PLXNC1: variants seen among roughly 807,000 people sequenced by gnomAD.
The protein encoded by PLXNC1 is plexin-C1.
A neutral mutation model predicts 178.2 loss-of-function variants in PLXNC1; 75 were observed. The ratio of observed to expected loss-of-function variants is 0.42; its 90% CI spans 0.35 to 0.51. The LOEUF is 0.51. PLXNC1 is among the 20% of genes least tolerant of loss of function. PLXNC1 has a pLI of 0.02. For missense variants in PLXNC1, 1,503 were observed against 1,984.4 expected, an observed-to-expected ratio of 0.76 and a Z score of 4.61; for synonymous variants, 790 against 779.9, an observed-to-expected ratio of 1.01 and a Z score of -0.22.
At chr12:94,287,321 G>A (rs191581428) in intron 23 of PLXNC1, among the ~76,000 whole-genome samples, 198 of 152,342 alleles carry the variant, frequency 1.3e-3, no homozygotes, top group Non-Finnish European at 2.2e-3. Flanking sequence ...AGGGGACTGT[G>A]CTTTGCTCTG....
chr12:94,153,167 C>T (rs1409601974), intron 1 of PLXNC1, among the ~76,000 whole-genome samples: 1 of 152,222 alleles, frequency 6.6e-6, no homozygotes, highest in East Asian at 1.9e-4. Context: ...CGTTAAGCAG[C>T]TTGCTCAAGA....
intron 1 of PLXNC1, chr12:94,168,257 A>G (rs1276886097): frequency 6.6e-6 from 1 of 152,248 alleles, no homozygotes; most frequent in South Asian, 2.1e-4. Context: ...TGCAGACGGC[A>G]ACGGCTCTTC....
At position 94,226,634 on chromosome 12, in the gene PLXNC1, C is replaced by T. The variant is rs753220527; in HGVS notation, c.1820C>T (p.Ala607Val). ...CCAGCATGCGTAGAAACTGGCTGCG[C>T]GTGGTGTAAAAGTGCAAGAAGGTGT... The part of the protein sequence containing the change: ...ECPACVETGC[A>V]WCKSARRCIH... Residue 607 changes from alanine to valine, a missense_variant, in exon 8 of 31, where the codon GCG becomes GTG. Transcript: ENST00000258526. 1.6e-5 allele frequency: 26 copies of T among 1,613,460 alleles called. No homozygotes were observed. The highest frequency in any genetic ancestry group is 3.3e-5 in the South Asian group (3 of 91,070).
At chr12:94,209,901 G>A (rs901459548) in intron 5 of PLXNC1, among the ~76,000 whole-genome samples, 197 bp downstream of exon 5, 6 of 152,150 alleles carry the variant, frequency 3.9e-5, no homozygotes, top group South Asian at 2.1e-4. Flanking sequence ...GGGATACAGC[G>A]GTAACCAAGT....
intron 1 of PLXNC1, among the ~76,000 whole-genome samples, chr12:94,155,369 G>A (rs1183819205): frequency 6.6e-6 from 1 of 152,208 alleles, no homozygotes; most frequent in Non-Finnish European, 1.5e-5. Flanking sequence ...AAGCTCTGGA[G>A]GTTGGGGTGG....
chr12:94,152,274 A>G (rs1960989951), intron 1 of PLXNC1, among the ~76,000 whole-genome samples: 1 of 152,204 alleles, frequency 6.6e-6, no homozygotes, highest in Non-Finnish European at 1.5e-5. Flanking sequence ...AGTTTGAATG[A>G]AAAAGGGTGG....
At chr12:94,272,952 C>T (rs1383854600) in intron 21 of PLXNC1, among the ~76,000 whole-genome samples, 2 of 152,150 alleles carry the variant, frequency 1.3e-5, no homozygotes, top group East Asian at 1.9e-4. Context: ...GGGGAACTGC[C>T]CTTGGGAGGC....
At chr12:94,173,094 T>C (rs1961907984) in intron 2 of PLXNC1, among the ~76,000 whole-genome samples, 1 of 152,190 alleles carries the variant, frequency 6.6e-6, no homozygotes, top group Non-Finnish European at 1.5e-5. Context: ...CGGAACATGA[T>C]TGCATGCCGG....
intron 14 of PLXNC1, among the ~76,000 whole-genome samples, chr12:94,251,136 C>T (rs1485521515): frequency 6.6e-6 from 1 of 152,106 alleles, no homozygotes; most frequent in Non-Finnish European, 1.5e-5. Flanking sequence ...TCTTTATTGC[C>T]CTCACTCCTG....
At chr12:94,248,129 TGG>T in intron 13 of PLXNC1, 23 bp downstream of exon 13, 2 of 1,611,192 alleles carry the variant, frequency 1.2e-6, no homozygotes, top group Non-Finnish European at 1.7e-6. Context: ...TCTTTCTGGG[TGG>T]GATGTCACCC....
In PLXNC1 at chr12:94,306,226, T is replaced by TA. The variant is rs539051159; in HGVS notation, c.*952dup. 0.038 allele frequency: 5,663 copies of TA among 147,546 alleles called. 315 individuals carry two copies. Among genetic ancestry groups the TA allele is most frequent in the African/African-American group, 0.12 (4,887 of 40,490 alleles). 9.1% of individuals were successfully genotyped at this position (147,546 alleles called of 1,614,324 possible). A position where few individuals can be genotyped will look rare whatever the true frequency, so the allele number is the denominator to read the frequency against. Reference sequence around the variant, plus strand: ...TGGTTATGAATACTTGTGTGTGATTTAAAAAAAAAAAGATACATTTTACAT... The same window carrying TA: ...TGGTTATGAATACTTGTGTGTGATTTAAAAAAAAAAAAGATACATTTTACAT... On this transcript the variant is annotated 3_prime_UTR_variant, in exon 31 of 31. Coordinates refer to ENST00000258526, the MANE Select transcript of PLXNC1 (RefSeq NM_005761.3).
At chr12:94,197,234 T>C (rs1962948062) in intron 4 of PLXNC1, among the ~76,000 whole-genome samples, 1 of 149,904 alleles carries the variant, frequency 6.7e-6, no homozygotes, top group African/African-American at 2.4e-5. Context: ...GGTTTGAATG[T>C]ATCCCCCAAA....
intron 2 of PLXNC1, among the ~76,000 whole-genome samples, 169 bp from the exon 3 acceptor site, chr12:94,181,277 A>G (rs1319125726): frequency 2.6e-5 from 4 of 151,896 alleles, no homozygotes; most frequent in African/African-American, 9.7e-5. Flanking sequence ...AGTCCCAGCT[A>G]CTTGGGAGGC....
intron 21 of PLXNC1, chr12:94,272,053 A>C (rs925564411): frequency 1.3e-5 from 2 of 152,026 alleles, no homozygotes; most frequent in African/African-American, 4.8e-5. Flanking sequence ...GATGGCTGAC[A>C]TGCTACAAAG....
At chr12:94,304,355 A>G (rs1280354845) in intron 30 of PLXNC1, 2 of 243,836 alleles carry the variant, frequency 8.2e-6, no homozygotes, top group Non-Finnish European at 7.8e-6. Flanking sequence ...AAATGGGGTC[A>G]GCTTATGCTT....
intron 6 of PLXNC1, among the ~76,000 whole-genome samples, chr12:94,223,637 G>A (rs1963855273): frequency 6.6e-6 from 1 of 152,188 alleles, no homozygotes. Context: ...TAGTAGTTTT[G>A]AAATCCTTGT....
chr12:94,169,113 AATTATT>A, intron 1 of PLXNC1, 34 bp from the exon 2 acceptor site: 2 of 1,565,446 alleles, frequency 1.3e-6, no homozygotes, highest in Non-Finnish European at 1.7e-6. Flanking sequence ...TGTTGTTAAA[AATTATT>A]ATTATTTTTT....
chr12:94,165,750 A>G (rs1021273206), intron 1 of PLXNC1, among the ~76,000 whole-genome samples: 3 of 152,058 alleles, frequency 2.0e-5, no homozygotes, highest in Non-Finnish European at 4.4e-5. Context: ...GTCTCCAGGA[A>G]CATAGAATCT....
chr12:94,180,949 A>G (rs1232805686), intron 2 of PLXNC1, among the ~76,000 whole-genome samples: 3 of 152,152 alleles, frequency 2.0e-5, no homozygotes, highest in Admixed American at 6.5e-5. Context: ...TGCCTTTACA[A>G]AAGAAGAAAT....
Sources: allele counts gnomAD v4.1 joint callset (sites outside exome capture counted in the v4.1 genomes callset), GRCh38; gene constraint gnomAD v4.1.1; transcripts MANE v1.5; gene names NCBI Gene and HGNC (gene_info 2026-07-23, HGNC 2026-07-21).